Variants in ARSB observed in about 807,000 individuals in gnomAD.
The protein encoded by ARSB is N-acetylgalactosamine-4-sulfatase.
Under a neutral mutation model 50.9 loss-of-function variants are expected in ARSB, and 41 were observed. The observed-to-expected ratio is 0.81, with a 90% CI of 0.63 to 1.04. The LOEUF (loss-of-function observed/expected upper bound fraction) is 1.04. ARSB is among the 50% of genes least tolerant of loss of function. The pLI is 0.00. For missense variants in ARSB, 672 were observed against 693.3 expected (o/e 0.97, Z 0.35); for synonymous variants, 269 against 284.8 (o/e 0.94, Z 0.56).
intron 3 of ARSB, among the ~76,000 whole-genome samples, chr5:78,955,791 A>G (rs185955398): frequency 3.9e-5 from 6 of 152,360 alleles, no homozygotes; most frequent in Non-Finnish European, 8.8e-5. Flanking sequence ...GACAGTCAAC[A>G]TCATCAGTCA....
intron 5 of ARSB, among the ~76,000 whole-genome samples, chr5:78,842,756 CTGTTTT>C (rs1295486672): frequency 1.4e-5 from 2 of 141,144 alleles, no homozygotes; most frequent in African/African-American, 2.6e-5. Context: ...GGTGAGTTTT[CTGTTTT>C]TGTTTTTGTT....
intron 5 of ARSB, among the ~76,000 whole-genome samples, chr5:78,849,294 T>C (rs1745623594): frequency 2.0e-5 from 3 of 152,300 alleles, no homozygotes; most frequent in East Asian, 3.8e-4. Context: ...GGCTAGCCAG[T>C]TTTCCCAGCA....
chr5:78,977,445 C>T (rs191442599), intron 1 of ARSB, among the ~76,000 whole-genome samples: 2 of 152,300 alleles, frequency 1.3e-5, no homozygotes, highest in African/African-American at 2.4e-5. Context: ...TGAGCCACCA[C>T]GCCTGGCCTG....
intron 6 of ARSB, among the ~76,000 whole-genome samples, chr5:78,818,725 C>T (rs377371280): frequency 6.7e-6 from 1 of 149,378 alleles, no homozygotes; most frequent in East Asian, 2.0e-4. Context: ...CCATGCCATT[C>T]TCCTGCCTCA....
At chr5:78,897,269 G>C (rs913198716) in intron 4 of ARSB, among the ~76,000 whole-genome samples, 1 of 152,276 alleles carries the variant, frequency 6.6e-6, no homozygotes, top group Non-Finnish European at 1.5e-5. Context: ...ATTCCTCACT[G>C]TGTGGGGTTA....
rs60622885 is a variant in ARSB at position 78,905,344 on chromosome 5, G to GTTTTT, written c.899-19522_899-19518dup. On this transcript the variant is annotated intron_variant, in intron 4 of 7. Coordinates refer to ENST00000264914, the MANE Select transcript of ARSB (RefSeq NM_000046.5). ...CCTTGAGTACTGCTCGTATTTTCCT[G>GTTTTT]TTTTTTTTTTTTTGTATAATGAGTA... Among the ~76,000 whole-genome samples the GTTTTT allele has an allele frequency of 1.4e-4, 18 of 130,554 alleles. 1 individual carries two copies. The East Asian group carries it at 2.0e-3, about 15-fold the overall frequency. 85.6% of individuals were successfully genotyped at this position (130,554 alleles called of 152,430 possible). A position where few individuals can be genotyped will look rare whatever the true frequency, so the allele number is the denominator to read the frequency against.
chr5:78,874,765 C>A (rs139845907), intron 5 of ARSB, among the ~76,000 whole-genome samples: 3 of 152,142 alleles, frequency 2.0e-5, no homozygotes, highest in Non-Finnish European at 4.4e-5. Flanking sequence ...TTTTCAATTA[C>A]ACCTGATGTG....
intron 6 of ARSB, among the ~76,000 whole-genome samples, chr5:78,828,495 G>T (rs949218333): frequency 3.3e-5 from 5 of 152,130 alleles, no homozygotes. Context: ...GAGGTTCAGT[G>T]GAGGTGAAAG....
At chr5:78,833,767 A>T (rs1744798653) in intron 6 of ARSB, among the ~76,000 whole-genome samples, 1 of 152,214 alleles carries the variant, frequency 6.6e-6, no homozygotes, top group Non-Finnish European at 1.5e-5. Context: ...TCTATTGAGG[A>T]GGTCTGGGAA....
intron 6 of ARSB, among the ~76,000 whole-genome samples, chr5:78,803,654 A>C (rs1345247712): frequency 6.6e-6 from 1 of 152,210 alleles, no homozygotes; most frequent in Non-Finnish European, 1.5e-5. Context: ...GGAGGGCTTG[A>C]TCAGCCATCT....
chr5:78,928,587 A>G (rs1750170352), intron 4 of ARSB, among the ~76,000 whole-genome samples: 1 of 152,162 alleles, frequency 6.6e-6, no homozygotes, highest in South Asian at 2.1e-4. Flanking sequence ...AAGTGCTGGG[A>G]TTACAGGCGT....
chr5:78,836,965 A>C (rs529960032), intron 6 of ARSB, among the ~76,000 whole-genome samples: 10 of 152,188 alleles, frequency 6.6e-5, no homozygotes, highest in African/African-American at 2.4e-4. Flanking sequence ...ACTTTCAAAC[A>C]ACCAGATCTC....
At chr5:78,786,838 C>T (rs1417461845) in intron 6 of ARSB, among the ~76,000 whole-genome samples, 1 of 152,168 alleles carries the variant, frequency 6.6e-6, no homozygotes, top group Non-Finnish European at 1.5e-5. Context: ...GTCTTCTGGC[C>T]TCAAGCAATC....
chr5:78,961,672 T>C (rs1473377385), intron 3 of ARSB, among the ~76,000 whole-genome samples: 1 of 152,168 alleles, frequency 6.6e-6, no homozygotes, highest in Non-Finnish European at 1.5e-5. Flanking sequence ...TCCATCGTTC[T>C]TCAGTAGGAA....
chr5:78,970,417 T>A (rs1478720457), intron 1 of ARSB, among the ~76,000 whole-genome samples: 1 of 152,216 alleles, frequency 6.6e-6, no homozygotes, highest in African/African-American at 2.4e-5. Context: ...TATTACTATT[T>A]TTCATTGAAT....
chr5:78,901,231 A>G (rs1170954040), intron 4 of ARSB, among the ~76,000 whole-genome samples: 1 of 152,058 alleles, frequency 6.6e-6, no homozygotes, highest in Admixed American at 6.6e-5. Context: ...TTGGTCTGCA[A>G]TCTTAATTCC....
At chr5:78,865,968 C>T (rs1354230065) in intron 5 of ARSB, among the ~76,000 whole-genome samples, 1 of 152,166 alleles carries the variant, frequency 6.6e-6, no homozygotes, top group African/African-American at 2.4e-5. Context: ...CAACAAATCT[C>T]TAGGAGGTTC....
At chr5:78,873,513 T>TTTTTTTTTTTTA (rs1581076732) in intron 5 of ARSB, among the ~76,000 whole-genome samples, 3 of 138,834 alleles carry the variant, frequency 2.2e-5, no homozygotes, top group Non-Finnish European at 3.2e-5. Context: ...TTTTTTTTTT[T>TTTTTTTTTTTTA]GAGACGGAGT....
intron 4 of ARSB, among the ~76,000 whole-genome samples, chr5:78,930,364 A>C (rs754705524): frequency 2.0e-5 from 3 of 152,210 alleles, no homozygotes; most frequent in Admixed American, 6.5e-5. Flanking sequence ...ATGTTTGCTA[A>C]ATTTGTTACA....
Sources: gnomAD v4.1 joint callset for allele counts (sites outside exome capture counted in the v4.1 genomes callset) on GRCh38, gnomAD v4.1.1 for gene constraint, MANE v1.5 for transcripts, NCBI Gene and HGNC (gene_info 2026-07-23, HGNC 2026-07-21) for gene names.